KCNG2: variants seen among roughly 807,000 people sequenced by gnomAD.
KCNG2 encodes voltage-gated potassium channel regulatory subunit KCNG2.
In KCNG2, 7 loss-of-function variants were observed where a neutral mutation model predicts 12.3. That is an observed-to-expected ratio of 0.57 (90% confidence interval 0.32 to 1.07). KCNG2 has a LOEUF of 1.07. Among genes scored for constraint, KCNG2 ranks in the 50% least tolerant of loss-of-function variants. KCNG2 has a pLI of 0.04. For missense variants in KCNG2, 703 were observed against 726.0 expected (o/e 0.97, Z 0.36); for synonymous variants, 414 against 351.4 (o/e 1.18, Z -1.99).
At chr18:79,866,854 G>GA (rs1979598496) in intron 3 of KCNG2, among the ~76,000 whole-genome samples, 6 of 101,304 alleles carry the variant, frequency 5.9e-5, no homozygotes, top group South Asian at 4.0e-4. Flanking sequence ...TGGGTGCTGA[G>GA]GTGTGGGTGC....
At chr18:79,852,408 T>C (rs1978855764) in intron 1 of KCNG2, among the ~76,000 whole-genome samples, 1 of 152,274 alleles carries the variant, frequency 6.6e-6, no homozygotes, top group African/African-American at 2.4e-5. Flanking sequence ...TCAAAGCATG[T>C]CTAAAGAGCC....
intron 1 of KCNG2, among the ~76,000 whole-genome samples, chr18:79,842,101 C>A (rs1251361703): frequency 6.6e-6 from 1 of 152,186 alleles, no homozygotes; most frequent in Non-Finnish European, 1.5e-5. Flanking sequence ...TAGCTCCAGG[C>A]AAGTCCTCGC....
chr18:79,836,217 G>A (rs1404476709), intron 1 of KCNG2, among the ~76,000 whole-genome samples: 2 of 152,194 alleles, frequency 1.3e-5, no homozygotes, highest in African/African-American at 4.8e-5. Context: ...TCAAAAGAAC[G>A]TTGTTGTGGC....
intron 3 of KCNG2, among the ~76,000 whole-genome samples, chr18:79,865,062 T>TGTGCTGAGAAGTTTGG (rs1244458470): frequency 1.4e-5 from 2 of 141,324 alleles, no homozygotes; most frequent in Non-Finnish European, 3.0e-5. Flanking sequence ...CTGAGGTCTG[T>TGTGCTGAGAAGTTTGG]GTGCTGAGAG....
At position 79,875,641 on chromosome 18, in the gene KCNG2, C is replaced by T. The variant is rs146923546; in HGVS notation, c.624+11350C>T. 1.4e-3 allele frequency among the ~76,000 whole-genome samples: 219 copies of T among 152,356 alleles called. 2 individuals are homozygous for T. The highest frequency in any genetic ancestry group is 4.3e-3 in the African/African-American group (179 of 41,584). On this transcript the variant is annotated intron_variant, in intron 3 of 3. Coordinates refer to ENST00000316249, the MANE Select transcript of KCNG2 (RefSeq NM_012283.2). ...ACCTTCCCGCCCTACACGGCAGCAC[C>T]GCAGACCCTGGCACGGGGTTGGGGA...
intron 1 of KCNG2, among the ~76,000 whole-genome samples, chr18:79,806,845 C>G (rs1193089181): frequency 6.6e-6 from 1 of 152,188 alleles, no homozygotes; most frequent in Admixed American, 6.5e-5. Flanking sequence ...AACATTCTTT[C>G]CATTTCATTT....
At chr18:79,830,031 A>T (rs1434580379) in intron 1 of KCNG2, among the ~76,000 whole-genome samples, 1 of 152,212 alleles carries the variant, frequency 6.6e-6, no homozygotes, top group Non-Finnish European at 1.5e-5. Context: ...CCATCACGCT[A>T]TGATTAAATT....
chr18:79,815,275 C>CA (rs1288272126), intron 1 of KCNG2, among the ~76,000 whole-genome samples: 3 of 151,724 alleles, frequency 2.0e-5, no homozygotes, highest in East Asian at 1.9e-4. Context: ...GCTCTCTCTA[C>CA]AAAAAAATAG....
intron 2 of KCNG2, among the ~76,000 whole-genome samples, chr18:79,863,223 G>A (rs949822705): frequency 1.3e-5 from 2 of 152,370 alleles, no homozygotes; most frequent in South Asian, 2.1e-4. Flanking sequence ...GGGACACACC[G>A]TGAGAAACTA....
At chr18:79,870,541 G>A (rs1184444182) in intron 3 of KCNG2, among the ~76,000 whole-genome samples, 2 of 152,184 alleles carry the variant, frequency 1.3e-5, no homozygotes, top group Admixed American at 6.5e-5. Context: ...GAGCACCCAC[G>A]GGCTGGCTGG....
At chr18:79,888,262 C>T (rs1031516098) in intron 3 of KCNG2, among the ~76,000 whole-genome samples, 9 of 152,046 alleles carry the variant, frequency 5.9e-5, no homozygotes, top group South Asian at 2.1e-4. Flanking sequence ...GACCAGTCCA[C>T]GGGGCTTCCA....
intron 1 of KCNG2, among the ~76,000 whole-genome samples, chr18:79,829,030 G>T (rs1473364620): frequency 1.1e-5 from 1 of 88,484 alleles, no homozygotes; most frequent in East Asian, 4.1e-4. Flanking sequence ...TCTGTGTGTG[G>T]GTGTCTATGT....
chr18:79,899,215 TGCTGGG>T lies in KCNG2; in HGVS notation c.806_811del (p.Gly269_Leu270del). Reference sequence around the variant, plus strand: ...CTCCTGCCGTTCTACGTGTCGCTGCTGCTGGGGCTGGCGGCAGGCCCGGGCGGGACC... The same window carrying T: ...CTCCTGCCGTTCTACGTGTCGCTGCTGCTGGCGGCAGGCCCGGGCGGGACC... On this transcript the variant is annotated inframe_deletion, in exon 4 of 4. Transcript: ENST00000316249. 6.2e-7 allele frequency: 1 copy of T among 1,602,406 alleles called. No individual in the cohort carries two copies. Among genetic ancestry groups the T allele is most frequent in the Non-Finnish European group, 8.5e-7 (1 of 1,179,270 alleles).
intron 3 of KCNG2, among the ~76,000 whole-genome samples, chr18:79,889,736 C>A (rs1980680151): frequency 6.6e-6 from 1 of 152,348 alleles, no homozygotes; most frequent in Middle Eastern, 3.4e-3. Flanking sequence ...TTCTGTTTAA[C>A]CTGCCTGATC....
At chr18:79,875,354 T>G (rs1040280411) in intron 3 of KCNG2, among the ~76,000 whole-genome samples, 4 of 151,732 alleles carry the variant, frequency 2.6e-5, no homozygotes, top group Admixed American at 1.3e-4. Context: ...CCCTGGGCGC[T>G]CCCCTTGGTC....
chr18:79,866,447 G>A (rs1979554757), intron 3 of KCNG2, among the ~76,000 whole-genome samples: 1 of 121,574 alleles, frequency 8.2e-6, no homozygotes, highest in African/African-American at 3.0e-5. Flanking sequence ...AGGTCTGGGT[G>A]CTGAGAGTGT....
At chr18:79,846,100 C>T (rs962635591) in intron 1 of KCNG2, among the ~76,000 whole-genome samples, 8 of 147,280 alleles carry the variant, frequency 5.4e-5, no homozygotes, top group Non-Finnish European at 1.0e-4. Context: ...TGGCTGGGCG[C>T]GGTGGCTCAC....
intron 1 of KCNG2, among the ~76,000 whole-genome samples, chr18:79,826,928 TA>T (rs1259003239): frequency 6.6e-6 from 1 of 152,270 alleles, no homozygotes; most frequent in Non-Finnish European, 1.5e-5. Flanking sequence ...AATTACCAAC[TA>T]AAAATTATAA....
chr18:79,897,688 A>C (rs1981027472), intron 3 of KCNG2, among the ~76,000 whole-genome samples: 1 of 151,924 alleles, frequency 6.6e-6, no homozygotes, highest in Non-Finnish European at 1.5e-5. Flanking sequence ...TTTAGACAAG[A>C]TATTCTAGCC....
Sources: allele counts gnomAD v4.1 joint callset (sites outside exome capture counted in the v4.1 genomes callset), GRCh38; gene constraint gnomAD v4.1.1; transcripts MANE v1.5; gene names NCBI Gene and HGNC (gene_info 2026-07-23, HGNC 2026-07-21).